The following TRAF3 variants were observed in gnomAD, a reference collection of about 807,000 sequenced individuals.
TRAF3 encodes TNF receptor associated factor 3.
In TRAF3, 13 loss-of-function variants were observed where a neutral mutation model predicts 62.3. The ratio of observed to expected loss-of-function variants is 0.21; its 90% CI spans 0.14 to 0.33. TRAF3 has a LOEUF of 0.33. Ranked by LOEUF, TRAF3 falls within the 10% of genes least tolerant of loss-of-function variation. The pLI is 1.00. For synonymous variants in TRAF3, 269 were observed against 283.4 expected (o/e 0.95, Z 0.51); for missense variants, 440 against 741.8 (o/e 0.59, Z 4.73).
intron 1 of TRAF3, among the ~76,000 whole-genome samples, chr14:102,811,059 A>G (rs117676278): frequency 0.012 from 1,835 of 152,356 alleles, 17 homozygotes; most frequent in Non-Finnish European, 0.018. Context: ...TCCCCACACC[A>G]TTAGCATCTT....
intron 9 of TRAF3, among the ~76,000 whole-genome samples, chr14:102,893,644 G>A (rs539549961): frequency 6.6e-6 from 1 of 152,338 alleles, no homozygotes; most frequent in Admixed American, 6.5e-5. Context: ...ACACAGTGCA[G>A]CAGTTTCTCA....
chr14:102,803,042 C>A (rs1289183807), intron 1 of TRAF3, among the ~76,000 whole-genome samples: 1 of 152,148 alleles, frequency 6.6e-6, no homozygotes, highest in African/African-American at 2.4e-5. Context: ...TGAGAACTCA[C>A]TGTCACAAGA....
intron 2 of TRAF3, among the ~76,000 whole-genome samples, chr14:102,856,944 A>G (rs754931754): frequency 3.9e-5 from 6 of 152,258 alleles, no homozygotes; most frequent in Non-Finnish European, 8.8e-5. Flanking sequence ...TGGAAGATTA[A>G]TAAGTGTTCA....
chr14:102,888,342 T>G (rs766761646), intron 7 of TRAF3, among the ~76,000 whole-genome samples: 6 of 152,206 alleles, frequency 3.9e-5, no homozygotes, highest in Non-Finnish European at 7.3e-5. Flanking sequence ...CCTACCACCT[T>G]GACTCTGCCC....
intron 1 of TRAF3, among the ~76,000 whole-genome samples, chr14:102,795,065 TC>T: frequency 6.6e-6 from 1 of 152,344 alleles, no homozygotes; most frequent in Admixed American, 6.5e-5. Flanking sequence ...ATCCTAAAGT[TC>T]CTTTCCTTTA....
At chr14:102,851,924 G>T (rs1188531408) in intron 2 of TRAF3, among the ~76,000 whole-genome samples, 1 of 151,672 alleles carries the variant, frequency 6.6e-6, no homozygotes, top group East Asian at 1.9e-4. Context: ...GTGTGGTGGT[G>T]CATGCCTGTA....
At chr14:102,801,540 G>C (rs1479141436) in intron 1 of TRAF3, among the ~76,000 whole-genome samples, 1 of 151,824 alleles carries the variant, frequency 6.6e-6, no homozygotes, top group Non-Finnish European at 1.5e-5. Context: ...AGCTATTTTT[G>C]TTTGTTTGTT....
At position 102,905,845 on chromosome 14, in the gene TRAF3, T is replaced by C; in HGVS notation, c.*61T>C. On this transcript the variant is annotated 3_prime_UTR_variant, in exon 12 of 12. Coordinates refer to ENST00000392745, the MANE Select transcript of TRAF3 (RefSeq NM_145725.3). ...CTCCTCTGGGGGATTTGAACCGGTC[T>C]GTCTTCACTGAGGTCCTCGCGCTCA... 1 of 1,466,450 alleles carries C rather than the reference T, an allele frequency of 6.8e-7. No individual in the cohort carries two copies. Among genetic ancestry groups the C allele is most frequent in the Non-Finnish European group, 9.4e-7 (1 of 1,061,574 alleles). The allele number at this position is 1,466,450 out of a possible 1,614,324, so 90.8% of individuals were successfully genotyped here.
At chr14:102,898,463 C>T (rs1462686077) in intron 10 of TRAF3, among the ~76,000 whole-genome samples, 1 of 152,218 alleles carries the variant, frequency 6.6e-6, no homozygotes, top group African/African-American at 2.4e-5. Context: ...CTGGCCAAGG[C>T]GACTGGTCAG....
intron 1 of TRAF3, among the ~76,000 whole-genome samples, chr14:102,797,395 T>C (rs1217328808): frequency 4.9e-4 from 74 of 152,164 alleles, no homozygotes; most frequent in Non-Finnish European, 1.5e-5. Flanking sequence ...ACACTACTAA[T>C]GTAAATGTTT....
At chr14:102,788,679 TC>T (rs1439281924) in intron 1 of TRAF3, among the ~76,000 whole-genome samples, 2 of 152,174 alleles carry the variant, frequency 1.3e-5, no homozygotes, top group African/African-American at 4.8e-5. Flanking sequence ...ATGCCTCTAG[TC>T]CCAGCTACTC....
rs1478540084 is a variant in TRAF3, at chr14:102,903,827, G to A, written c.1135+398G>A. On this transcript the variant is annotated intron_variant, in intron 11 of 11. Transcript: ENST00000392745. The surrounding 1 kb of genome is among the most constrained non-coding windows in gnomAD (Gnocchi z 6.4). The stretch of plus-strand genomic sequence containing the variant: ...AGGGCCAGGGGGCAGCAGTCCCACC[G>A]CGCTCTGCCAGCATGTTTCTGATCC... The A allele has an allele frequency of 1.7e-5, 8 of 466,702 alleles. No individual in the cohort carries two copies. In the East Asian group the frequency reaches 2.0e-4, roughly 12 times the overall value. 28.9% of individuals were successfully genotyped at this position (466,702 alleles called of 1,614,324 possible). A position where few individuals can be genotyped will look rare whatever the true frequency, so the allele number is the denominator to read the frequency against.
intron 6 of TRAF3, among the ~76,000 whole-genome samples, chr14:102,885,008 A>G (rs1889293255): frequency 6.6e-6 from 1 of 152,128 alleles, no homozygotes; most frequent in Non-Finnish European, 1.5e-5. Context: ...TCGAACACAG[A>G]AAGTTACTGA....
At chr14:102,870,707 A>G (rs1391595313) in intron 3 of TRAF3, among the ~76,000 whole-genome samples, 2 of 151,856 alleles carry the variant, frequency 1.3e-5, no homozygotes, top group African/African-American at 4.8e-5. Context: ...TGCCCCTCAT[A>G]TGTGTTGCTG....
intron 1 of TRAF3, among the ~76,000 whole-genome samples, chr14:102,789,163 G>C (rs1426569660): frequency 6.6e-6 from 1 of 151,988 alleles, no homozygotes; most frequent in Non-Finnish European, 1.5e-5. Context: ...TGATGTTTTT[G>C]AGGTACATCC....
chr14:102,894,355 A>T (rs902679705), intron 9 of TRAF3, among the ~76,000 whole-genome samples: 3 of 152,250 alleles, frequency 2.0e-5, no homozygotes, highest in Admixed American at 6.5e-5. Flanking sequence ...TCACATTCAT[A>T]GTCAAACTAA....
intron 2 of TRAF3, among the ~76,000 whole-genome samples, chr14:102,842,208 C>T (rs181622408): frequency 2.0e-5 from 3 of 151,386 alleles, no homozygotes; most frequent in African/African-American, 7.3e-5. Flanking sequence ...CACACCACTG[C>T]ACTCCAGCCT....
chr14:102,859,264 C>CTA (rs1887552377), intron 2 of TRAF3, among the ~76,000 whole-genome samples: 1 of 151,514 alleles, frequency 6.6e-6, no homozygotes, highest in Non-Finnish European at 1.5e-5. Flanking sequence ...TTTCCCTACA[C>CTA]ACCTTGCATG....
intron 10 of TRAF3, among the ~76,000 whole-genome samples, chr14:102,901,444 G>C (rs1890295540): frequency 6.6e-6 from 1 of 152,248 alleles, no homozygotes; most frequent in Admixed American, 6.5e-5. Context: ...TGCCAGCTCA[G>C]TGTGCGTGTT....
Sources: allele counts gnomAD v4.1 joint callset (sites outside exome capture counted in the v4.1 genomes callset), GRCh38; gene constraint gnomAD v4.1.1; non-coding constraint Gnocchi (gnomAD v3.1); transcripts MANE v1.5; gene names NCBI Gene and HGNC (gene_info 2026-07-23, HGNC 2026-07-21).